DOCK1: variants seen among roughly 807,000 people sequenced by gnomAD.
DOCK1 encodes dedicator of cytokinesis 1.
In DOCK1, 138 loss-of-function variants were observed where a neutral mutation model predicts 262.7. That is an observed-to-expected ratio of 0.53 (90% CI 0.46 to 0.61). The LOEUF is 0.61. Among genes scored for constraint, DOCK1 ranks in the 20% least tolerant of loss-of-function variants. The pLI is 0.00. For missense variants in DOCK1, 1,908 were observed against 2,370.7 expected, an observed-to-expected ratio of 0.80 and a Z score of 4.05; for synonymous variants, 866 against 867.4, an observed-to-expected ratio of 1.00 and a Z score of 0.03.
At chr10:127,017,125 A>AC (rs2042020773) in intron 12 of DOCK1, among the ~76,000 whole-genome samples, 1 of 106,610 alleles carries the variant, frequency 9.4e-6, no homozygotes, top group Admixed American at 9.7e-5. Flanking sequence ...TACACCATAA[A>AC]AACAGACATA....
intron 21 of DOCK1, among the ~76,000 whole-genome samples, chr10:127,050,809 T>A (rs2044674858): frequency 6.6e-6 from 1 of 152,242 alleles, no homozygotes; most frequent in Non-Finnish European, 1.5e-5. Flanking sequence ...TTCATGTGTT[T>A]ATTAATGAAG....
Position 127,031,627 on chromosome 10 carries a change from TTTTTTTG to T in DOCK1, c.1625-11_1625-5del, listed in dbSNP as rs756377585. 1 of 1,567,464 alleles carries T rather than the reference TTTTTTTG, an allele frequency of 6.4e-7. No homozygotes were observed. The highest frequency in any genetic ancestry group is 1.4e-5 in the African/African-American group (1 of 73,826). On this transcript the variant is annotated splice_polypyrimidine_tract_variant and intron_variant, in intron 16 of 51. Transcript: ENST00000623213. Reference sequence around the variant, plus strand: ...CATGATAATTGAAAGCAATCATCAATTTTTTTGTTTTTTGTTTTACAGCTAAGGATAA... The same window carrying T: ...CATGATAATTGAAAGCAATCATCAATTTTTTTGTTTTACAGCTAAGGATAA...
intron 28 of DOCK1, among the ~76,000 whole-genome samples, chr10:127,255,751 C>T (rs961168850): frequency 4.6e-5 from 7 of 152,118 alleles, no homozygotes; most frequent in South Asian, 2.1e-4. Flanking sequence ...ATAATAAAAA[C>T]GAGAGGCTGT....
At chr10:127,418,648 A>G (rs2068304972) in intron 45 of DOCK1, 107 bp downstream of exon 45, 2 of 1,362,394 alleles carry the variant, frequency 1.5e-6, no homozygotes, top group African/African-American at 1.5e-5. Flanking sequence ...TCATTGAGCA[A>G]TCTCAGCAGT....
intron 27 of DOCK1, among the ~76,000 whole-genome samples, chr10:127,224,078 T>C (rs557361855): frequency 1.1e-4 from 16 of 152,372 alleles, no homozygotes; most frequent in African/African-American, 3.8e-4. Flanking sequence ...TTGGGTTTTG[T>C]TTATAATCAT....
At chr10:127,227,526 T>C (rs2058688493) in intron 27 of DOCK1, among the ~76,000 whole-genome samples, 2 of 152,230 alleles carry the variant, frequency 1.3e-5, no homozygotes, top group South Asian at 2.1e-4. Flanking sequence ...CCAGTAGCAC[T>C]TTAACTGAAA....
At chr10:126,944,131 G>C (rs2035219017) in intron 1 of DOCK1, among the ~76,000 whole-genome samples, 1 of 151,766 alleles carries the variant, frequency 6.6e-6, no homozygotes, top group African/African-American at 2.4e-5. Flanking sequence ...TGATGGTGGT[G>C]GGGGTGGGGA....
At chr10:127,445,470 T>A (rs2070477363) in intron 50 of DOCK1, among the ~76,000 whole-genome samples, 1 of 152,212 alleles carries the variant, frequency 6.6e-6, no homozygotes, top group Admixed American at 6.5e-5. Context: ...GGGCACTGGA[T>A]ATGTCTTTGG....
At chr10:127,434,147 T>TAA (rs2069499411) in intron 48 of DOCK1, among the ~76,000 whole-genome samples, 1 of 151,848 alleles carries the variant, frequency 6.6e-6, no homozygotes. Flanking sequence ...TGGCCGGGCC[T>TAA]TCTTTTTTTT....
chr10:127,290,340 G>C (rs1292834541), intron 29 of DOCK1, among the ~76,000 whole-genome samples: 1 of 152,072 alleles, frequency 6.6e-6, no homozygotes, highest in Non-Finnish European at 1.5e-5. Flanking sequence ...TTAATACCAT[G>C]AAACTCCTTT....
chr10:127,403,136 G>A lies in DOCK1; in HGVS notation c.4009G>A (p.Glu1337Lys), dbSNP rs557378130. 122 of 1,608,726 alleles carry A rather than the reference G, an allele frequency of 7.6e-5. No individual in the cohort carries two copies. The highest frequency in any genetic ancestry group is 6.3e-4 in the South Asian group (56 of 89,424). Residue 1337 changes from glutamate to lysine, a missense_variant, in exon 39 of 52, where the codon GAA becomes AAA. Physicochemically the swap from Glu to Lys is moderately conservative, Grantham distance 56. Transcript: ENST00000623213. ...NEMFDYEQLSELLKKQAQFYE... is the reference protein window; with the variant it reads ...NEMFDYEQLSKLLKKQAQFYE... ...AATGTTTGATTATGAGCAACTCAGC[G>A]AATTGCTGGTGAGTCTTTATTTCTT...
At chr10:127,354,165 G>A (rs1452682464) in intron 31 of DOCK1, among the ~76,000 whole-genome samples, 1 of 152,088 alleles carries the variant, frequency 6.6e-6, no homozygotes, top group African/African-American at 2.4e-5. Flanking sequence ...AACAAAAACA[G>A]TGGAAGATTT....
chr10:127,295,754 T>C (rs900513112), intron 29 of DOCK1, among the ~76,000 whole-genome samples: 2 of 151,868 alleles, frequency 1.3e-5, no homozygotes, highest in African/African-American at 4.8e-5. Context: ...AGCCCACAGC[T>C]CTGTGCCAAT....
intron 29 of DOCK1, among the ~76,000 whole-genome samples, chr10:127,306,511 C>T (rs943317422): frequency 1.3e-5 from 2 of 152,054 alleles, no homozygotes; most frequent in Non-Finnish European, 2.9e-5. Flanking sequence ...CATCTGCAGA[C>T]GTGGCTCAGC....
chr10:127,175,679 C>G lies in DOCK1; in HGVS notation c.2847+47915C>G. On this transcript the variant is annotated intron_variant, in intron 27 of 51. Transcript: ENST00000623213. The surrounding 1 kb of genome is among the most constrained non-coding windows in gnomAD (Gnocchi z 6.3). ...CCCTCCTGAGGGCAGGTGGAGCGGGCTCCTCGGAGTTTGGCCTCCCCCGGT... is the reference window on the plus strand; with the variant it reads ...CCCTCCTGAGGGCAGGTGGAGCGGGGTCCTCGGAGTTTGGCCTCCCCCGGT... The G allele has an allele frequency of 6.2e-7, 1 of 1,613,736 alleles. No individual in the cohort carries two copies. Among genetic ancestry groups the G allele is most frequent in the Non-Finnish European group, 8.5e-7 (1 of 1,179,962 alleles).
At chr10:127,216,586 AC>A (rs2058224898) in intron 27 of DOCK1, among the ~76,000 whole-genome samples, 1 of 152,048 alleles carries the variant, frequency 6.6e-6, no homozygotes, top group African/African-American at 2.4e-5. Context: ...AAGAGGATAA[AC>A]CCCACTCTCA....
At chr10:127,383,917 T>C (rs971742815) in intron 37 of DOCK1, among the ~76,000 whole-genome samples, 1 of 152,128 alleles carries the variant, frequency 6.6e-6, no homozygotes, top group African/African-American at 2.4e-5. Flanking sequence ...GTTCTGTTTT[T>C]TTTTCTTCTT....
intron 27 of DOCK1, among the ~76,000 whole-genome samples, chr10:127,206,634 G>A (rs962528368): frequency 3.9e-5 from 6 of 152,128 alleles, no homozygotes; most frequent in African/African-American, 1.4e-4. Flanking sequence ...CTCCTGGATG[G>A]CATTTATTCA....
intron 32 of DOCK1, among the ~76,000 whole-genome samples, chr10:127,359,772 A>T (rs1221984183): frequency 1.3e-5 from 2 of 152,260 alleles, no homozygotes; most frequent in African/African-American, 4.8e-5. Flanking sequence ...TCTCTTAAGT[A>T]TCGTTATAGT....
Sources: allele counts gnomAD v4.1 joint callset (sites outside exome capture counted in the v4.1 genomes callset), GRCh38; gene constraint gnomAD v4.1.1; non-coding constraint Gnocchi (gnomAD v3.1); transcripts MANE v1.5; gene names NCBI Gene and HGNC (gene_info 2026-07-23, HGNC 2026-07-21).